SEC24A: variants seen among roughly 807,000 people sequenced by gnomAD.
SEC24A encodes the protein protein transport protein Sec24A.
In SEC24A, 93 loss-of-function variants were observed where a neutral mutation model predicts 129.4. The ratio of observed to expected loss-of-function variants is 0.72; its 90% CI spans 0.61 to 0.85. The LOEUF (loss-of-function observed/expected upper bound fraction) is 0.85. SEC24A is among the 40% of genes least tolerant of loss of function. SEC24A has a pLI of 0.00. For missense variants in SEC24A, 1,264 were observed against 1,307.4 expected, an observed-to-expected ratio of 0.97 and a Z score of 0.51; for synonymous variants, 460 against 467.3, an observed-to-expected ratio of 0.98 and a Z score of 0.20.
At chr5:134,654,866 G>A (rs547246392) in intron 1 of SEC24A, among the ~76,000 whole-genome samples, 3 of 152,146 alleles carry the variant, frequency 2.0e-5, no homozygotes, top group South Asian at 2.1e-4. Flanking sequence ...ACAGGTGTGC[G>A]TCACCATGCT....
chr5:134,657,945 A>G (rs368985730), intron 1 of SEC24A, among the ~76,000 whole-genome samples: 13 of 152,312 alleles, frequency 8.5e-5, no homozygotes, highest in African/African-American at 2.9e-4. Context: ...GGTTATAGCT[A>G]TTGTACTATT....
chr5:134,655,477 T>C (rs963247340), intron 1 of SEC24A, among the ~76,000 whole-genome samples: 4 of 151,942 alleles, frequency 2.6e-5, no homozygotes, highest in African/African-American at 9.7e-5. Flanking sequence ...GGTGAAACCT[T>C]GTCTCTACTA....
intron 10 of SEC24A, among the ~76,000 whole-genome samples, 172 bp from the exon 11 acceptor site, chr5:134,688,009 T>C (rs1224952674): frequency 6.6e-6 from 1 of 152,212 alleles, no homozygotes; most frequent in East Asian, 1.9e-4. Flanking sequence ...TGTTTTCCCT[T>C]TGAGTCAGAT....
At chr5:134,688,408 G>A (rs1751521681) in intron 11 of SEC24A, 109 bp downstream of exon 11, 2 of 684,444 alleles carry the variant, frequency 2.9e-6, no homozygotes, top group South Asian at 3.6e-5. Flanking sequence ...AAAATCTTGA[G>A]TATAAAATCA....
intron 1 of SEC24A, among the ~76,000 whole-genome samples, chr5:134,654,188 G>A (rs886167932): frequency 6.6e-6 from 1 of 150,872 alleles, no homozygotes; most frequent in East Asian, 1.9e-4. Context: ...AAAAACAAAA[G>A]ACCTAACAGT....
At position 134,661,541 on chromosome 5, in the gene SEC24A, G is replaced by A; in HGVS notation, c.520G>A (p.Val174Ile). 3.1e-6 allele frequency: 5 copies of A among 1,614,028 alleles called. No individual in the cohort carries two copies. The highest frequency in any genetic ancestry group is 4.2e-6 in the Non-Finnish European group (5 of 1,179,936). ...AAGTTTAACCACAAATCATCAATAT[G>A]TTTCTTCTGGATATCCTTCACTTCA... ...NTSLTTNHQY[V>I]SSGYPSLQNS... is the part of the protein sequence containing the mutation. The change falls in exon 2 of 23, where the codon GTT (valine) becomes ATT (isoleucine). Residue 174 changes from valine to isoleucine, a missense_variant. Coordinates refer to ENST00000398844, the MANE Select transcript of SEC24A (RefSeq NM_021982.3).
At chr5:134,720,067 CTAGTG>C (rs1752588289) in intron 20 of SEC24A, among the ~76,000 whole-genome samples, 1 of 152,128 alleles carries the variant, frequency 6.6e-6, no homozygotes, top group African/African-American at 2.4e-5. Flanking sequence ...TTATATATCT[CTAGTG>C]TAGCCTAAAT....
intron 5 of SEC24A, 116 bp from the exon 6 acceptor site, chr5:134,674,929 C>G: frequency 8.6e-7 from 1 of 1,168,198 alleles, no homozygotes; most frequent in Non-Finnish European, 1.2e-6. Flanking sequence ...TACATTTTTC[C>G]AGAACCAAAA....
At chr5:134,704,129 G>A (rs773632284) in intron 16 of SEC24A, among the ~76,000 whole-genome samples, 197 bp downstream of exon 16, 13 of 151,952 alleles carry the variant, frequency 8.6e-5, no homozygotes, top group Non-Finnish European at 1.6e-4. Flanking sequence ...GAGTGCAGTG[G>A]CGCAGTCTCT....
chr5:134,668,742 A>G (rs1187547855), intron 3 of SEC24A, among the ~76,000 whole-genome samples: 1 of 151,316 alleles, frequency 6.6e-6, no homozygotes, highest in African/African-American at 2.4e-5. Flanking sequence ...CACAAAAAAA[A>G]CCAATTAGCC....
At chr5:134,664,188 CCTT>C (rs1401801834) in intron 2 of SEC24A, among the ~76,000 whole-genome samples, 1 of 151,660 alleles carries the variant, frequency 6.6e-6, no homozygotes, top group Non-Finnish European at 1.5e-5. Context: ...TAAAAAGTAA[CCTT>C]CTTTTTTCTC....
At position 134,725,913 on chromosome 5, in the gene SEC24A, A is replaced by AT. The variant is rs1426824784; in HGVS notation, c.*822dup. 3.9e-5 allele frequency: 6 copies of AT among 152,204 alleles called. No individual in the cohort carries two copies. Among genetic ancestry groups the AT allele is most frequent in the Admixed American group, 1.3e-4 (2 of 15,272 alleles). 9.4% of individuals were successfully genotyped at this position (152,204 alleles called of 1,614,324 possible). ...TATCTTGATCCTTTAAGTGGATTTT[A>AT]TTTGGTGCATTTCTGCTCTGGGTAT... On this transcript the variant is annotated 3_prime_UTR_variant, in exon 23 of 23. Transcript: ENST00000398844.
chr5:134,681,434 TTTA>T (rs1350113925), intron 8 of SEC24A, among the ~76,000 whole-genome samples: 2 of 135,740 alleles, frequency 1.5e-5, no homozygotes, highest in African/African-American at 3.2e-5. Flanking sequence ...AAAAAACAGT[TTTA>T]TTGTTTGTGT....
Position 134,697,264 on chromosome 5 carries a change from A to ATT in SEC24A, c.2107+27_2107+28dup. On this transcript the variant is annotated intron_variant, in intron 14 of 22. Coordinates refer to ENST00000398844, the MANE Select transcript of SEC24A (RefSeq NM_021982.3). Reference sequence around the variant, plus strand: ...TTCTCTGGGTAAGTTCTTCGTAATGATTTTTTTTTTCCGTTAAATGAATAT... The same window carrying ATT: ...TTCTCTGGGTAAGTTCTTCGTAATGATTTTTTTTTTTTCCGTTAAATGAATAT... 9 of 1,502,996 alleles carry ATT rather than the reference A, an allele frequency of 6.0e-6. No homozygotes were observed. The highest frequency in any genetic ancestry group is 4.9e-5 in the South Asian group (4 of 81,332). 93.1% of individuals were successfully genotyped at this position (1,502,996 alleles called of 1,614,324 possible).
At chr5:134,683,400 T>C (rs1162698935) in intron 9 of SEC24A, among the ~76,000 whole-genome samples, 1 of 152,214 alleles carries the variant, frequency 6.6e-6, no homozygotes, top group Admixed American at 6.5e-5. Flanking sequence ...TTTTTTCTAT[T>C]AGAAATAATG....
intron 9 of SEC24A, among the ~76,000 whole-genome samples, chr5:134,684,304 A>G (rs1174910887): frequency 7.8e-6 from 1 of 128,140 alleles, no homozygotes; most frequent in Non-Finnish European, 1.6e-5. Flanking sequence ...CTCCATCTCA[A>G]AAAAAAAAAA....
At chr5:134,655,937 T>G (rs1750229035) in intron 1 of SEC24A, among the ~76,000 whole-genome samples, 1 of 151,926 alleles carries the variant, frequency 6.6e-6, no homozygotes, top group African/African-American at 2.4e-5. Context: ...TAAATATTGG[T>G]GTTCTTCAAG....
chr5:134,666,076 C>T (rs907783599), intron 2 of SEC24A, among the ~76,000 whole-genome samples: 12 of 149,758 alleles, frequency 8.0e-5, no homozygotes, highest in African/African-American at 2.5e-4. Context: ...ACTGGAGCAC[C>T]GGAATTCAAG....
intron 9 of SEC24A, among the ~76,000 whole-genome samples, chr5:134,686,261 G>A (rs1024810299): frequency 4.7e-5 from 7 of 149,434 alleles, no homozygotes; most frequent in African/African-American, 1.7e-4. Flanking sequence ...TTGAGATGGA[G>A]TCTCACTTTG....
Sources: allele counts gnomAD v4.1 joint callset (sites outside exome capture counted in the v4.1 genomes callset), GRCh38; gene constraint gnomAD v4.1.1; transcripts MANE v1.5; gene names NCBI Gene and HGNC (gene_info 2026-07-23, HGNC 2026-07-21).